PRKN: variants seen among roughly 807,000 people sequenced by gnomAD.
The protein encoded by PRKN is E3 ubiquitin-protein ligase parkin.
A neutral mutation model predicts 59.5 loss-of-function variants in PRKN; 56 were observed. The ratio of observed to expected loss-of-function variants is 0.94; its 90% confidence interval spans 0.76 to 1.18. The LOEUF (loss-of-function observed/expected upper bound fraction) is 1.18. PRKN is among the 50% of genes most tolerant of loss of function. PRKN has a pLI of 0.00. For synonymous variants in PRKN, 250 were observed against 222.1 expected (o/e 1.13, Z -1.12); for missense variants, 657 against 596.4 (o/e 1.10, Z -1.06).
chr6:161,746,264 G>T (rs187665350), intron 7 of PRKN, among the ~76,000 whole-genome samples: 1 of 152,126 alleles, frequency 6.6e-6, no homozygotes, highest in Non-Finnish European at 1.5e-5. Flanking sequence ...CTGATGAAGA[G>T]CTTTTGTAGG....
intron 2 of PRKN, among the ~76,000 whole-genome samples, chr6:162,372,141 C>T (rs1190766979): frequency 6.6e-6 from 1 of 152,204 alleles, no homozygotes; most frequent in Non-Finnish European, 1.5e-5. Flanking sequence ...TTTTGTCCTT[C>T]AGTCTGTTGT....
intron 5 of PRKN, among the ~76,000 whole-genome samples, chr6:161,986,491 C>CT (rs66655962): frequency 3.6e-4 from 50 of 139,412 alleles, no homozygotes; most frequent in African/African-American, 1.1e-3. Context: ...CTGCAGTGTC[C>CT]TTTTTTTTTT....
chr6:161,573,775 TATATATATATATATATATATAA>T (rs1340379617), intron 7 of PRKN, among the ~76,000 whole-genome samples: 6 of 74,104 alleles, frequency 8.1e-5, no homozygotes, highest in African/African-American at 5.5e-4. Flanking sequence ...TATATATATA[TATATATATATATATATATATAA>T]AACTTCATTC....
intron 1 of PRKN, among the ~76,000 whole-genome samples, chr6:162,472,373 G>T (rs562937677): frequency 7.8e-6 from 1 of 128,756 alleles, no homozygotes; most frequent in Non-Finnish European, 1.6e-5. Context: ...CCCCAAGACA[G>T]GTGTGATGTT....
intron 2 of PRKN, among the ~76,000 whole-genome samples, chr6:162,370,157 G>A (rs527279088): frequency 6.6e-6 from 1 of 152,216 alleles, no homozygotes; most frequent in South Asian, 2.1e-4. Flanking sequence ...TTTCCTTTTT[G>A]ATGTGATCGT....
At chr6:162,312,771 C>T (rs1782575407) in intron 2 of PRKN, among the ~76,000 whole-genome samples, 1 of 152,264 alleles carries the variant, frequency 6.6e-6, no homozygotes, top group East Asian at 1.9e-4. Flanking sequence ...TGCACACACA[C>T]ATGCCACAGC....
In PRKN at chr6:161,898,524, T is replaced by C. The variant is rs113011898; in HGVS notation, c.734+74778A>G. ...AAACGGAGGCACATACAATTTGTGC[T>C]CCTCACAGCCATCGTTTATGGGAAA... On this transcript the variant is annotated intron_variant, in intron 6 of 11. Coordinates refer to ENST00000366898, the MANE Select transcript of PRKN (RefSeq NM_004562.3). Among the ~76,000 whole-genome samples, 126 of 152,322 alleles carry C rather than the reference T, an allele frequency of 8.3e-4. 5 individuals carry two copies. The highest frequency in any genetic ancestry group is 2.8e-3 in the African/African-American group (115 of 41,580).
intron 7 of PRKN, among the ~76,000 whole-genome samples, chr6:161,580,032 A>C (rs1238514339): frequency 6.6e-6 from 1 of 152,206 alleles, no homozygotes. Flanking sequence ...TAGAGTGTAT[A>C]TGCTGGGGTG....
chr6:161,950,528 G>A (rs1462558280), intron 6 of PRKN, among the ~76,000 whole-genome samples: 1 of 152,196 alleles, frequency 6.6e-6, no homozygotes, highest in Non-Finnish European at 1.5e-5. Flanking sequence ...CTGGGCGGCA[G>A]AGTGAGACTC....
chr6:162,398,781 A>G (rs1385206956), intron 2 of PRKN, among the ~76,000 whole-genome samples: 1 of 152,194 alleles, frequency 6.6e-6, no homozygotes, highest in Non-Finnish European at 1.5e-5. Flanking sequence ...ATCTGTGTGT[A>G]TATTACATGA....
chr6:162,213,371 G>A lies in PRKN; in HGVS notation c.413-12119C>T, dbSNP rs571679391. ...CTAGAATAACACTGAGATGTATTCC[G>A]AAACACCGTGAAGGGTATTTCACAA... On this transcript the variant is annotated intron_variant, in intron 3 of 11. Transcript: ENST00000366898. Among the ~76,000 whole-genome samples the A allele has an allele frequency of 9.9e-5, 15 of 152,152 alleles. No individual in the cohort carries two copies. In the South Asian group the frequency reaches 2.1e-3, roughly 21 times the overall value.
Position 161,973,308 on chromosome 6 carries a change from T to G in PRKN, c.728A>C (p.Asp243Ala). ...SRNITCITCT[D>A]VRSPVLVFQC... ...ACTATTTTTAGATCCTTACCTGACG[T>G]CTGTGCACGTAATGCAAGTGATGTT... The change falls in exon 6 of 12, where the codon GAC becomes GCC. Residue 243 changes from aspartate to alanine, a missense_variant. Coordinates refer to ENST00000366898, the MANE Select transcript of PRKN (RefSeq NM_004562.3). 1 of 1,605,608 alleles carries G rather than the reference T, an allele frequency of 6.2e-7. No homozygotes were observed. The highest frequency in any genetic ancestry group is 8.5e-7 in the Non-Finnish European group (1 of 1,172,208).
At chr6:162,045,454 C>G (rs1784215617) in intron 5 of PRKN, among the ~76,000 whole-genome samples, 1 of 152,172 alleles carries the variant, frequency 6.6e-6, no homozygotes, top group Non-Finnish European at 1.5e-5. Context: ...GTTCCTTTCT[C>G]CAAGAAACAT....
chr6:161,520,127 T>G (rs1778763628), intron 9 of PRKN, among the ~76,000 whole-genome samples: 1 of 152,144 alleles, frequency 6.6e-6, no homozygotes, highest in South Asian at 2.1e-4. Context: ...GCCATGCTTA[T>G]GAGTCTTCGA....
chr6:162,082,948 A>G (rs78409585), intron 4 of PRKN, among the ~76,000 whole-genome samples: 2,342 of 152,194 alleles, frequency 0.015, 39 homozygotes, highest in Non-Finnish European at 0.019. Flanking sequence ...CCCTAAAATT[A>G]TTAGAATAAA....
intron 9 of PRKN, among the ~76,000 whole-genome samples, chr6:161,469,347 T>C (rs112535538): frequency 0.023 from 3,519 of 152,294 alleles, 123 homozygotes; most frequent in African/African-American, 0.08. Flanking sequence ...GTAAGTTTCC[T>C]GAGGCCTCCC....
At chr6:162,669,517 C>T (rs899201714) in intron 1 of PRKN, among the ~76,000 whole-genome samples, 3 of 152,116 alleles carry the variant, frequency 2.0e-5, no homozygotes, top group Admixed American at 1.3e-4. Context: ...AATTCAAGAA[C>T]GTTACCCCAT....
At chr6:162,656,484 G>A (rs143668700) in intron 1 of PRKN, among the ~76,000 whole-genome samples, 59 of 152,262 alleles carry the variant, frequency 3.9e-4, no homozygotes, top group African/African-American at 1.4e-3. Context: ...AAAGGTGTAT[G>A]TCATACTTGA....
At chr6:162,302,991 CACACACACAG>C (rs1782033893) in intron 2 of PRKN, among the ~76,000 whole-genome samples, 1 of 151,562 alleles carries the variant, frequency 6.6e-6, no homozygotes, top group Admixed American at 6.6e-5. Flanking sequence ...CACACACACA[CACACACACAG>C]ACACACACAC....
Sources: allele counts gnomAD v4.1 joint callset (sites outside exome capture counted in the v4.1 genomes callset), GRCh38; gene constraint gnomAD v4.1.1; transcripts MANE v1.5; gene names NCBI Gene and HGNC (gene_info 2026-07-23, HGNC 2026-07-21).